OR5AS1: variants seen among roughly 807,000 people sequenced by gnomAD.
OR5AS1 encodes the protein olfactory receptor 5AS1.
For synonymous variants in OR5AS1, 196 were observed against 141.7 expected, an observed-to-expected ratio of 1.38 and a Z score of -2.72; for missense variants, 492 against 378.2, an observed-to-expected ratio of 1.30 and a Z score of -2.50.
Position 56,030,877 on chromosome 11 carries a change from T to C in OR5AS1, c.459T>C (p.Ser153=), listed in dbSNP as rs371306724. The C allele has an allele frequency of 2.5e-6, 4 of 1,613,998 alleles. No homozygotes were observed. In the Admixed American group the frequency reaches 5.0e-5, roughly 20 times the overall value. Residue 153 remains serine, a synonymous_variant, in exon 2 of 2, where the codon AGT becomes AGC. Coordinates refer to ENST00000641320, the MANE Select transcript of OR5AS1 (RefSeq NM_001001921.2). ...TTGTGTTGGCATATTTCAGTGGAAG[T>C]ACAACATCACTGGTCCATGTGTGCC... The part of the protein sequence containing the change: ...CFIVLAYFSG[S]TTSLVHVCLT...
chr11:56,035,586 T>C lies in OR5AS1; in HGVS notation c.*4193T>C, dbSNP rs1853396219. The C allele has an allele frequency of 6.6e-6, 1 of 152,100 alleles. No individual in the cohort carries two copies. Among genetic ancestry groups the C allele is most frequent in the South Asian group, 2.1e-4 (1 of 4,826 alleles). 9.4% of individuals were successfully genotyped at this position (152,100 alleles called of 1,614,324 possible). On this transcript the variant is annotated 3_prime_UTR_variant, in exon 2 of 2. Transcript: ENST00000641320. ...AAAGGATCAATGCAACAAGAAGAGC[T>C]AACTATACTAAATATATATGTACCC...
rs1252302944 is a variant in OR5AS1 at position 56,034,661 on chromosome 11, G to A, written c.*3268G>A. The A allele has an allele frequency of 6.6e-6, 1 of 152,128 alleles. No individual in the cohort carries two copies. The allele number at this position is 152,128 out of a possible 1,614,324, so 9.4% of individuals were successfully genotyped here. ...TTGGTGTACCTGAAAGTGAGGGGGAGAATGGAACCAACTTGGAAAACACTC... is the reference window on the plus strand; with the variant it reads ...TTGGTGTACCTGAAAGTGAGGGGGAAAATGGAACCAACTTGGAAAACACTC... On this transcript the variant is annotated 3_prime_UTR_variant, in exon 2 of 2. Transcript: ENST00000641320.
rs1351021334 is a variant in OR5AS1 at position 56,035,625 on chromosome 11, C to G, written c.*4232C>G. On this transcript the variant is annotated 3_prime_UTR_variant, in exon 2 of 2. Transcript: ENST00000641320. ...ATATATGTACCCAATACAAGAGCAC[C>G]CAAATTCATAAAGCCAGTTCTTAGA... 1 of 151,838 alleles carries G rather than the reference C, an allele frequency of 6.6e-6. No individual in the cohort carries two copies. Among genetic ancestry groups the G allele is most frequent in the Non-Finnish European group, 1.5e-5 (1 of 67,978 alleles). The allele number at this position is 151,838 out of a possible 1,614,324, so 9.4% of individuals were successfully genotyped here.
At chr11:56,029,651 A>T in intron 1 of OR5AS1, among the ~76,000 whole-genome samples, 1 of 152,092 alleles carries the variant, frequency 6.6e-6, no homozygotes, top group East Asian at 1.9e-4. Flanking sequence ...TCAGACAAAA[A>T]AAACCCCAAA....
chr11:56,027,824 TG>T (rs1853311235), intron 1 of OR5AS1, 112 bp downstream of exon 1: 1 of 151,512 alleles, frequency 6.6e-6, no homozygotes, highest in Non-Finnish European at 1.5e-5. Flanking sequence ...TGTGTGTGTG[TG>T]TGTGTGGTGT....
chr11:56,033,079 C>G lies in OR5AS1; in HGVS notation c.*1686C>G, dbSNP rs537607497. The G allele has an allele frequency of 2.0e-5, 3 of 152,334 alleles. No homozygotes were observed. Among genetic ancestry groups the G allele is most frequent in the African/African-American group, 7.3e-5 (3 of 41,362 alleles). The allele number at this position is 152,334 out of a possible 1,614,324, so 9.4% of individuals were successfully genotyped here. On this transcript the variant is annotated 3_prime_UTR_variant, in exon 2 of 2. Coordinates refer to ENST00000641320, the MANE Select transcript of OR5AS1 (RefSeq NM_001001921.2). The stretch of plus-strand genomic sequence containing the variant: ...CCATGAAGGACTGTGCCATGAGGAA[C>G]GGGTGCACTCTGGCCCAGATACTAT...
rs1156680802 is a variant in OR5AS1, at chr11:56,030,842, G to T, written c.424G>T (p.Val142Phe). 1.9e-6 allele frequency: 3 copies of T among 1,614,036 alleles called. No individual in the cohort carries two copies. The highest frequency in any genetic ancestry group is 3.3e-5 in the Admixed American group (2 of 60,030). The change falls in exon 2 of 2, where the codon GTC becomes TTC. Residue 142 changes from valine to phenylalanine, a missense_variant. Physicochemically the swap from Val to Phe is conservative, Grantham distance 50. Coordinates refer to ENST00000641320, the MANE Select transcript of OR5AS1 (RefSeq NM_001001921.2). ...TACACTGATGTCTAGGAGAGTCTGT[G>T]TCTGCTTCATTGTGTTGGCATATTT... ...YTTLMSRRVC[V>F]CFIVLAYFSG...
At position 56,034,355 on chromosome 11, in the gene OR5AS1, A is replaced by G. The variant is rs998874033; in HGVS notation, c.*2962A>G. 6.6e-6 allele frequency: 1 copy of G among 152,130 alleles called. No individual in the cohort carries two copies. Among genetic ancestry groups the G allele is most frequent in the Non-Finnish European group, 1.5e-5 (1 of 68,030 alleles). 9.4% of individuals were successfully genotyped at this position (152,130 alleles called of 1,614,324 possible). ...GTCCTAACTCAATGCAAAGAAGCTA[A>G]GAACCTCGAAAAATGGTTAGAGGAA... On this transcript the variant is annotated 3_prime_UTR_variant, in exon 2 of 2. Coordinates refer to ENST00000641320, the MANE Select transcript of OR5AS1 (RefSeq NM_001001921.2).
Position 56,037,616 on chromosome 11 carries a change from C to T in OR5AS1, c.*6223C>T, listed in dbSNP as rs878941255. The T allele has an allele frequency of 1.3e-5, 2 of 151,958 alleles. No individual in the cohort carries two copies. The allele number at this position is 151,958 out of a possible 1,614,324, so 9.4% of individuals were successfully genotyped here. A position where few individuals can be genotyped will look rare whatever the true frequency, so the allele number is the denominator to read the frequency against. On this transcript the variant is annotated 3_prime_UTR_variant, in exon 2 of 2. Coordinates refer to ENST00000641320, the MANE Select transcript of OR5AS1 (RefSeq NM_001001921.2). ...GTGCTCAAGGAAATAAGAGAGGACA[C>T]AAACAAATGGAAAAACATTCCATGC...
chr11:56,036,669 C>A lies in OR5AS1; in HGVS notation c.*5276C>A, dbSNP rs1249563795. ...CCTACCAACAAAAAATAGTCCAGGA[C>A]CAGCCAAATTCTACCAGACATACAA... On this transcript the variant is annotated 3_prime_UTR_variant, in exon 2 of 2. Coordinates refer to ENST00000641320, the MANE Select transcript of OR5AS1 (RefSeq NM_001001921.2). The A allele has an allele frequency of 1.3e-5, 2 of 150,410 alleles. No individual in the cohort carries two copies. The highest frequency in any genetic ancestry group is 4.9e-5 in the African/African-American group (2 of 41,114). The allele number at this position is 150,410 out of a possible 1,614,324, so 9.3% of individuals were successfully genotyped here. A position where few individuals can be genotyped will look rare whatever the true frequency, so the allele number is the denominator to read the frequency against.
Position 56,037,178 on chromosome 11 carries a change from AC to A in OR5AS1, c.*5786del, listed in dbSNP as rs1162961195. ...ATCATACTGAATGGGCAAAAACTGG[AC>A]GCATTCCCTTTGAAAACCGGCACAA... On this transcript the variant is annotated 3_prime_UTR_variant, in exon 2 of 2. Transcript: ENST00000641320. The A allele has an allele frequency of 2.0e-5, 3 of 152,144 alleles. No homozygotes were observed. The highest frequency in any genetic ancestry group is 4.8e-5 in the African/African-American group (2 of 41,394). 9.4% of individuals were successfully genotyped at this position (152,144 alleles called of 1,614,324 possible).
chr11:56,029,530 G>GCACACA (rs147093456), intron 1 of OR5AS1, among the ~76,000 whole-genome samples: 156 of 149,266 alleles, frequency 1.0e-3, no homozygotes, highest in Middle Eastern at 3.4e-3. Context: ...TTTGTATATA[G>GCACACA]CACACACACA....
rs1355165892 is a variant in OR5AS1, at chr11:56,036,429, AT to A, written c.*5037del. On this transcript the variant is annotated 3_prime_UTR_variant, in exon 2 of 2. Transcript: ENST00000641320. ...AAGAGAGAAGAATCAAATAGACACA[AT>A]AAAAAATTATAAAGGGGATATCACC... The A allele has an allele frequency of 6.6e-6, 1 of 152,110 alleles. No individual in the cohort carries two copies. Among genetic ancestry groups the A allele is most frequent in the Non-Finnish European group, 1.5e-5 (1 of 68,024 alleles). 9.4% of individuals were successfully genotyped at this position (152,110 alleles called of 1,614,324 possible). A position where few individuals can be genotyped will look rare whatever the true frequency, so the allele number is the denominator to read the frequency against.
intron 1 of OR5AS1, among the ~76,000 whole-genome samples, chr11:56,029,680 A>C (rs1853328394): frequency 6.6e-6 from 1 of 152,096 alleles, no homozygotes; most frequent in Admixed American, 6.6e-5. Context: ...AATGGAGTCA[A>C]TTTATTTATT....
rs1295218095 is a variant in OR5AS1, at chr11:56,036,412, A to C, written c.*5019A>C. ...AGACTAATAAAGAAGAAAAGAGAGA[A>C]GAATCAAATAGACACAATAAAAAAT... On this transcript the variant is annotated 3_prime_UTR_variant, in exon 2 of 2. Coordinates refer to ENST00000641320, the MANE Select transcript of OR5AS1 (RefSeq NM_001001921.2). 2.0e-5 allele frequency: 3 copies of C among 152,132 alleles called. No individual in the cohort carries two copies. The highest frequency in any genetic ancestry group is 2.0e-4 in the Admixed American group (3 of 15,278). The allele number at this position is 152,132 out of a possible 1,614,324, so 9.4% of individuals were successfully genotyped here.
At position 56,031,424 on chromosome 11, in the gene OR5AS1, A is replaced by T; in HGVS notation, c.*31A>T. 7.1e-7 allele frequency: 1 copy of T among 1,411,772 alleles called. No homozygotes were observed. Among genetic ancestry groups the T allele is most frequent in the Non-Finnish European group, 9.5e-7 (1 of 1,052,662 alleles). The allele number at this position is 1,411,772 out of a possible 1,614,324, so 87.5% of individuals were successfully genotyped here. A position where few individuals can be genotyped will look rare whatever the true frequency, so the allele number is the denominator to read the frequency against. ...CCTTCCAATCTCATAAACAGCAATT[A>T]TGCCATGAACATCTTATGTGTTAAC... On this transcript the variant is annotated 3_prime_UTR_variant, in exon 2 of 2. Transcript: ENST00000641320.
chr11:56,029,446 A>G (rs1489130541), intron 1 of OR5AS1, among the ~76,000 whole-genome samples: 1 of 152,034 alleles, frequency 6.6e-6, no homozygotes, highest in Non-Finnish European at 1.5e-5. Flanking sequence ...GAGATTAGAA[A>G]GTAAACTAAA....
Position 56,031,880 on chromosome 11 carries a change from A to G in OR5AS1, c.*487A>G, listed in dbSNP as rs1853355172. On this transcript the variant is annotated 3_prime_UTR_variant, in exon 2 of 2. Transcript: ENST00000641320. ...CAAGGTCTGATTTCAAAAATTCAAA[A>G]TATTGTAACCTCAGACATAAATTTA... 6.5e-6 allele frequency: 1 copy of G among 152,852 alleles called. No individual in the cohort carries two copies. The highest frequency in any genetic ancestry group is 1.5e-5 in the Non-Finnish European group (1 of 68,566). 9.5% of individuals were successfully genotyped at this position (152,852 alleles called of 1,614,324 possible).
At position 56,031,003 on chromosome 11, in the gene OR5AS1, C is replaced by A. The variant is rs770840811; in HGVS notation, c.585C>A (p.Asn195Lys). ...LALSCTDTQI[N>K]QLLLFALCSF... ...TATCATGTACAGACACTCAGATCAA[C>A]CAGCTTCTGCTCTTTGCTTTGTGCA... is the stretch of plus-strand genomic sequence containing the variant. Residue 195 changes from asparagine to lysine, a missense_variant, in exon 2 of 2, where the codon AAC (asparagine) becomes AAA (lysine). Transcript: ENST00000641320. 45 of 1,614,062 alleles carry A rather than the reference C, an allele frequency of 2.8e-5. No homozygotes were observed. The highest frequency in any genetic ancestry group is 3.4e-5 in the Non-Finnish European group (40 of 1,180,034).
Sources: gnomAD v4.1 joint callset for allele counts (sites outside exome capture counted in the v4.1 genomes callset) on GRCh38, gnomAD v4.1.1 for gene constraint, MANE v1.5 for transcripts, NCBI Gene and HGNC (gene_info 2026-07-23, HGNC 2026-07-21) for gene names.